Variants in ENTREP2 observed in about 807,000 individuals in gnomAD.
The protein encoded by ENTREP2 is protein ENTREP2.
At chr15:29,357,039 A>G in the ENTREP2 span, among the ~76,000 whole-genome samples, 2 of 152,198 alleles carry the variant, frequency 1.3e-5, no homozygotes, top group African/African-American at 4.8e-5. Flanking sequence ...AGAAACAGAC[A>G]CACAGAGATA....
the ENTREP2 span, among the ~76,000 whole-genome samples, chr15:29,153,275 T>C: frequency 0.023 from 3,527 of 152,134 alleles, 122 homozygotes; most frequent in African/African-American, 0.08. Flanking sequence ...TCACATAGAG[T>C]CTTAGTCAGC....
the ENTREP2 span, among the ~76,000 whole-genome samples, chr15:29,459,892 T>C: frequency 6.6e-6 from 1 of 152,176 alleles, no homozygotes; most frequent in Non-Finnish European, 1.5e-5. Flanking sequence ...GGTAATATTA[T>C]CATGCTTCAT....
chr15:29,546,981 T>C, the ENTREP2 span, among the ~76,000 whole-genome samples: 1 of 151,012 alleles, frequency 6.6e-6, no homozygotes, highest in Non-Finnish European at 1.5e-5. Context: ...ATATGGAGCA[T>C]TCAAGAGAAA....
chr15:29,612,593 G>A, the ENTREP2 span: 1 of 154,108 alleles, frequency 6.5e-6, no homozygotes, highest in East Asian at 1.9e-4. Flanking sequence ...TGCACATCCA[G>A]ACAGGACACT....
chr15:29,350,848 C>T, the ENTREP2 span, among the ~76,000 whole-genome samples: 1 of 152,172 alleles, frequency 6.6e-6, no homozygotes, highest in Non-Finnish European at 1.5e-5. Context: ...GAGGCTGAGG[C>T]AGGGCAATCG....
chr15:29,390,539 C>A, the ENTREP2 span, among the ~76,000 whole-genome samples: 1 of 152,152 alleles, frequency 6.6e-6, no homozygotes, highest in Non-Finnish European at 1.5e-5. Context: ...CTCCACTTCC[C>A]CACCCAGCCT....
chr15:29,354,912 C>T, the ENTREP2 span, among the ~76,000 whole-genome samples: 1 of 152,168 alleles, frequency 6.6e-6, no homozygotes, highest in Non-Finnish European at 1.5e-5. Flanking sequence ...CCCTCCAGAT[C>T]CACCATACAC....
chr15:29,240,400 T>C, the ENTREP2 span, among the ~76,000 whole-genome samples: 4 of 151,660 alleles, frequency 2.6e-5, no homozygotes, highest in South Asian at 4.2e-4. Context: ...AAAGGAAAAC[T>C]TAATCCTCAA....
At chr15:29,364,038 C>T in the ENTREP2 span, among the ~76,000 whole-genome samples, 1 of 152,066 alleles carries the variant, frequency 6.6e-6, no homozygotes, top group Non-Finnish European at 1.5e-5. Context: ...AATGCAAAAC[C>T]CTGGGAACCC....
the ENTREP2 span, among the ~76,000 whole-genome samples, chr15:29,634,132 C>A: frequency 6.6e-6 from 1 of 152,082 alleles, no homozygotes; most frequent in Non-Finnish European, 1.5e-5. Flanking sequence ...TCTTCAGATG[C>A]CCCTTCATGT....
the ENTREP2 span, among the ~76,000 whole-genome samples, chr15:29,273,233 C>G: frequency 6.9e-6 from 1 of 145,536 alleles, no homozygotes; most frequent in Non-Finnish European, 1.5e-5. Context: ...GAGTTGCGCT[C>G]TGTCGCCCAG....
chr15:29,228,088 T>A, the ENTREP2 span, among the ~76,000 whole-genome samples: 1 of 151,996 alleles, frequency 6.6e-6, no homozygotes, highest in African/African-American at 2.4e-5. Context: ...TCCCAACACT[T>A]TGGGAGGCTG....
chr15:29,456,941 G>A, the ENTREP2 span, among the ~76,000 whole-genome samples: 1 of 152,216 alleles, frequency 6.6e-6, no homozygotes. Context: ...CAATCTGATG[G>A]AAGATCTTCA....
the ENTREP2 span, among the ~76,000 whole-genome samples, chr15:29,548,208 G>A: frequency 2.6e-4 from 39 of 152,108 alleles, no homozygotes; most frequent in African/African-American, 8.7e-4. Flanking sequence ...TAGTCCCAGT[G>A]CTTTGGGAGG....
chr15:29,429,994 T>G, the ENTREP2 span, among the ~76,000 whole-genome samples: 3 of 152,188 alleles, frequency 2.0e-5, no homozygotes, highest in South Asian at 6.2e-4. Context: ...TATTGAACCT[T>G]TACTTCCTCT....
At chr15:29,461,390 G>C in the ENTREP2 span, among the ~76,000 whole-genome samples, 2 of 152,056 alleles carry the variant, frequency 1.3e-5, no homozygotes, top group Admixed American at 1.3e-4. Context: ...CCAATATTTT[G>C]CTCAAGAAAG....
chr15:29,247,889 C>A, the ENTREP2 span, among the ~76,000 whole-genome samples: 1 of 152,222 alleles, frequency 6.6e-6, no homozygotes, highest in Admixed American at 6.5e-5. Context: ...GAATTGTCCA[C>A]TCCTGCAGAA....
chr15:29,336,901 G>T, the ENTREP2 span, among the ~76,000 whole-genome samples: 2 of 152,062 alleles, frequency 1.3e-5, no homozygotes, highest in Non-Finnish European at 2.9e-5. Context: ...CAGCAGCGCC[G>T]AGGTCCTTCC....
At chr15:29,151,936 G>A in the ENTREP2 span, 47 of 882,472 alleles carry the variant, frequency 5.3e-5, no homozygotes, top group Non-Finnish European at 8.5e-5. Context: ...AGCCGAGGTC[G>A]ATGACCATCC....
Sources: allele counts gnomAD v4.1 joint callset (sites outside exome capture counted in the v4.1 genomes callset), GRCh38; gene constraint gnomAD v4.1.1; transcripts MANE v1.5; gene names NCBI Gene and HGNC (gene_info 2026-07-23, HGNC 2026-07-21).